LRRFIP2: variants seen among roughly 807,000 people sequenced by gnomAD.
LRRFIP2 encodes LRR binding FLII interacting protein 2, also known as leucine-rich repeat flightless-interacting protein 2.
A neutral mutation model predicts 125.9 loss-of-function variants in LRRFIP2; 109 were observed. The observed-to-expected ratio is 0.87, with a 90% CI of 0.74 to 1.01. The LOEUF (loss-of-function observed/expected upper bound fraction) is 1.01, where lower values mean the gene tolerates loss of function less well. LRRFIP2 is among the 50% of genes least tolerant of loss of function. The pLI, the probability that LRRFIP2 is intolerant of heterozygous loss-of-function variation, is 0.00. For missense variants in LRRFIP2, 850 were observed against 862.3 expected (o/e 0.99, Z 0.18); for synonymous variants, 291 against 293.1 (o/e 0.99, Z 0.07).
At chr3:37,092,026 A>G (rs1047423337) in intron 17 of LRRFIP2, among the ~76,000 whole-genome samples, 20 of 152,304 alleles carry the variant, frequency 1.3e-4, no homozygotes, top group Non-Finnish European at 2.2e-4. Context: ...TTTTCTTTCA[A>G]TGACTTGGTT....
chr3:37,138,333 G>A (rs371214960), intron 2 of LRRFIP2, among the ~76,000 whole-genome samples: 15 of 152,284 alleles, frequency 9.9e-5, no homozygotes, highest in African/African-American at 3.6e-4. Flanking sequence ...CCAATCAATC[G>A]TATTCTAAAT....
intron 6 of LRRFIP2, among the ~76,000 whole-genome samples, chr3:37,117,641 T>C (rs965206200): frequency 6.6e-6 from 1 of 152,164 alleles, no homozygotes; most frequent in East Asian, 1.9e-4. Context: ...TGTAATCTTT[T>C]AAAGAAATTT....
chr3:37,054,962 T>C, intron 26 of LRRFIP2, 124 bp downstream of exon 26: 1 of 657,054 alleles, frequency 1.5e-6, no homozygotes, highest in Non-Finnish European at 2.7e-6. Flanking sequence ...CTGCTGGCTT[T>C]TCTATTTTAA....
intron 21 of LRRFIP2, chr3:37,067,558 G>T (rs2090389516): frequency 6.6e-6 from 1 of 152,202 alleles, no homozygotes; most frequent in Non-Finnish European, 1.5e-5. Context: ...GAATTGCTGA[G>T]AAATTGATAG....
chr3:37,121,647 A>G lies in LRRFIP2; in HGVS notation c.273T>C (p.His91=). ...RARYSHRSSH[H]RPYLGVEDAL... is the part of the protein sequence containing the mutation. ...GGTTATTACAAACCAGATAAGGACGATGGTGACTGGACCGGTGGGAATACC... is the reference window on the plus strand; with the variant it reads ...GGTTATTACAAACCAGATAAGGACGGTGGTGACTGGACCGGTGGGAATACC... Residue 91 remains histidine (H), a synonymous_variant, in exon 5 of 28, where the codon CAT becomes CAC. Coordinates refer to ENST00000336686, the MANE Select transcript of LRRFIP2 (RefSeq NM_006309.4). The G allele has an allele frequency of 1.2e-6, 2 of 1,614,216 alleles. No homozygotes were observed. The highest frequency in any genetic ancestry group is 1.7e-6 in the Non-Finnish European group (2 of 1,180,030).
intron 2 of LRRFIP2, chr3:37,134,964 T>A: frequency 6.6e-7 from 1 of 1,504,200 alleles, no homozygotes; most frequent in South Asian, 1.1e-5. Context: ...ATTTCTAAAG[T>A]TCTTTTATCC....
intron 23 of LRRFIP2, chr3:37,065,540 G>A (rs1042130962): frequency 8.5e-6 from 5 of 589,134 alleles, no homozygotes; most frequent in South Asian, 1.5e-5. Flanking sequence ...ACAGTTTGTA[G>A]TTAAGTAAAA....
intron 6 of LRRFIP2, among the ~76,000 whole-genome samples, chr3:37,118,822 CTTAAGTTT>C (rs1159669028): frequency 3.3e-5 from 5 of 152,170 alleles, no homozygotes; most frequent in Non-Finnish European, 7.3e-5. Context: ...AGTACACGGC[CTTAAGTTT>C]TTAAAAATAA....
At chr3:37,075,201 A>AC in intron 19 of LRRFIP2, 85 bp from the exon 20 acceptor site, 1 of 822,642 alleles carries the variant, frequency 1.2e-6, no homozygotes, top group East Asian at 2.6e-5. Context: ...GAGGTTAAGT[A>AC]TGACCTCCAG....
chr3:37,082,686 G>C (rs538567555), intron 19 of LRRFIP2, among the ~76,000 whole-genome samples: 1 of 152,106 alleles, frequency 6.6e-6, no homozygotes, highest in East Asian at 1.9e-4. Context: ...TCTGTGCTCT[G>C]GTCTATTCAT....
upstream of LRRFIP2, chr3:37,175,996 G>C (rs1468475595): frequency 6.6e-6 from 1 of 152,180 alleles, no homozygotes; most frequent in African/African-American, 2.4e-5. Context: ...GCGGAGGCCG[G>C]GAAAAAGGTT....
chr3:37,100,009 T>A (rs2093932838), intron 15 of LRRFIP2, among the ~76,000 whole-genome samples: 1 of 151,336 alleles, frequency 6.6e-6, no homozygotes, highest in Non-Finnish European at 1.5e-5. Flanking sequence ...GGGAGGGAGG[T>A]CTATCAACAT....
chr3:37,075,653 T>C (rs934725459), intron 19 of LRRFIP2, among the ~76,000 whole-genome samples: 5 of 152,146 alleles, frequency 3.3e-5, no homozygotes, highest in Non-Finnish European at 5.9e-5. Flanking sequence ...TCTATACATT[T>C]AATGTAGTAC....
intron 2 of LRRFIP2, among the ~76,000 whole-genome samples, chr3:37,147,390 T>TATTATAAAAAAAAAAC (rs1286986219): frequency 6.6e-6 from 1 of 152,230 alleles, no homozygotes; most frequent in Non-Finnish European, 1.5e-5. Flanking sequence ...TAAAAATACC[T>TATTATAAAAAAAAAAC]GCACATGTAC....
rs2085900127 is a variant in LRRFIP2 at position 37,052,903 on chromosome 3, C to G, written c.*948G>C. 1 of 152,138 alleles carries G rather than the reference C, an allele frequency of 6.6e-6. No individual in the cohort carries two copies. 9.4% of individuals were successfully genotyped at this position (152,138 alleles called of 1,614,324 possible). A position where few individuals can be genotyped will look rare whatever the true frequency, so the allele number is the denominator to read the frequency against. ...CTCAAGTCTTTAAAAGTTCTACATT[C>G]CAGATTGTTTTTCCTTGAGAAGGAG... is the stretch of plus-strand genomic sequence containing the variant. On this transcript the variant is annotated 3_prime_UTR_variant, in exon 28 of 28. Transcript: ENST00000336686.
At chr3:37,063,834 A>C (rs777412347) in intron 23 of LRRFIP2, 43 bp from the exon 24 acceptor site, 1 of 1,430,958 alleles carries the variant, frequency 7.0e-7, no homozygotes. Flanking sequence ...ATGTGATGAT[A>C]TAGTACATAA....
chr3:37,106,611 T>C (rs116344817), intron 13 of LRRFIP2, among the ~76,000 whole-genome samples: 2,478 of 152,224 alleles, frequency 0.016, 29 homozygotes, highest in Middle Eastern at 0.027. Flanking sequence ...AGTTCAAATC[T>C]AGCAGGGGCC....
intron 2 of LRRFIP2, 147 bp downstream of exon 2, chr3:37,148,747 C>T: frequency 2.9e-6 from 2 of 695,372 alleles, no homozygotes; most frequent in Non-Finnish European, 2.3e-6. Flanking sequence ...TATTCTAACA[C>T]ACTATTTTAG....
At chr3:37,141,157 T>TAAATGGA (rs538591347) in intron 2 of LRRFIP2, among the ~76,000 whole-genome samples, 58 of 152,214 alleles carry the variant, frequency 3.8e-4, no homozygotes, top group African/African-American at 1.4e-3. Context: ...TTTCAAAAAA[T>TAAATGGA]AAATGGAAAA....
Sources: gnomAD v4.1 joint callset for allele counts (sites outside exome capture counted in the v4.1 genomes callset) on GRCh38, gnomAD v4.1.1 for gene constraint, MANE v1.5 for transcripts, NCBI Gene and HGNC (gene_info 2026-07-23, HGNC 2026-07-21) for gene names.